The following GATAD2B variants were observed in gnomAD, a reference collection of about 807,000 sequenced individuals.
The protein encoded by GATAD2B is transcriptional repressor p66-beta.
GATAD2B carries 8 observed loss-of-function variants against 64.3 expected under a neutral mutation model. That is an observed-to-expected ratio of 0.12 (90% CI 0.07 to 0.22). The LOEUF (loss-of-function observed/expected upper bound fraction) is 0.22, where lower values mean the gene tolerates loss of function less well. Ranked by LOEUF, GATAD2B falls within the 10% of genes least tolerant of loss-of-function variation. The pLI is 1.00. For synonymous variants in GATAD2B, 281 were observed against 271.3 expected (o/e 1.04, Z -0.35); for missense variants, 453 against 752.0 (o/e 0.60, Z 4.65).
At chr1:153,840,285 T>G (rs1675433184) in intron 1 of GATAD2B, among the ~76,000 whole-genome samples, 1 of 151,702 alleles carries the variant, frequency 6.6e-6, no homozygotes, top group African/African-American at 2.4e-5. Flanking sequence ...TCCACCTGCC[T>G]CGGCCTCCCA....
At chr1:153,848,159 T>C (rs1675754449) in intron 1 of GATAD2B, among the ~76,000 whole-genome samples, 1 of 152,222 alleles carries the variant, frequency 6.6e-6, no homozygotes, top group African/African-American at 2.4e-5. Context: ...TTCCCATGAC[T>C]TCCTGTCGTA....
chr1:153,866,103 C>T (rs574290777), intron 1 of GATAD2B, among the ~76,000 whole-genome samples: 5 of 150,036 alleles, frequency 3.3e-5, no homozygotes, highest in African/African-American at 1.2e-4. Context: ...ACTCAGGAGA[C>T]AGAGGCAGAA....
chr1:153,922,076 A>C (rs1480192758), intron 1 of GATAD2B: 1 of 152,268 alleles, frequency 6.6e-6, no homozygotes, highest in Non-Finnish European at 1.5e-5. Flanking sequence ...AGCCTGAGAC[A>C]ATTCTCTTCC....
intron 1 of GATAD2B, among the ~76,000 whole-genome samples, chr1:153,847,741 T>C (rs1253736543): frequency 1.3e-5 from 2 of 152,228 alleles, no homozygotes; most frequent in East Asian, 1.9e-4. Flanking sequence ...AGAACTCCTA[T>C]GAGATATATC....
intron 1 of GATAD2B, among the ~76,000 whole-genome samples, chr1:153,860,643 T>C (rs1388908171): frequency 1.3e-5 from 2 of 151,520 alleles, no homozygotes; most frequent in Non-Finnish European, 2.9e-5. Context: ...TAGTTAAAAT[T>C]CATTTTCTTA....
intron 1 of GATAD2B, among the ~76,000 whole-genome samples, chr1:153,844,917 A>T (rs1675629352): frequency 6.6e-6 from 1 of 152,080 alleles, no homozygotes. Context: ...TATAATAAAA[A>T]AAAAAAAGAT....
chr1:153,863,050 T>A (rs1246040952), intron 1 of GATAD2B, among the ~76,000 whole-genome samples: 3 of 152,162 alleles, frequency 2.0e-5, no homozygotes. Flanking sequence ...AAAAAATAAA[T>A]TAAAATGCAG....
chr1:153,827,040 A>G (rs1674905265), intron 2 of GATAD2B, among the ~76,000 whole-genome samples: 1 of 150,386 alleles, frequency 6.6e-6, no homozygotes, highest in African/African-American at 2.4e-5. Context: ...GAGCTCAGGA[A>G]TTCGAGACCA....
At chr1:153,862,117 CCT>C (rs1676317682) in intron 1 of GATAD2B, among the ~76,000 whole-genome samples, 2 of 123,954 alleles carry the variant, frequency 1.6e-5, no homozygotes, top group African/African-American at 2.8e-5. Flanking sequence ...TACATTATAT[CCT>C]TTTTTTTTTT....
At chr1:153,818,332 T>TG (rs1212671924) in intron 4 of GATAD2B, among the ~76,000 whole-genome samples, 161 bp from the exon 5 acceptor site, 1 of 120,922 alleles carries the variant, frequency 8.3e-6, no homozygotes, top group African/African-American at 3.1e-5. Context: ...TTTTTTTTTT[T>TG]GAGACAGAGT....
At chr1:153,904,966 C>T (rs1288249054) in intron 1 of GATAD2B, among the ~76,000 whole-genome samples, 2 of 152,056 alleles carry the variant, frequency 1.3e-5, no homozygotes, top group Non-Finnish European at 2.9e-5. Flanking sequence ...CTTGGCCTCC[C>T]GAAGTGCTGG....
At chr1:153,901,230 T>G (rs1231282613) in intron 1 of GATAD2B, among the ~76,000 whole-genome samples, 1 of 151,292 alleles carries the variant, frequency 6.6e-6, no homozygotes, top group African/African-American at 2.4e-5. Context: ...AAAAAAAAAT[T>G]TATATGTTTG....
chr1:153,894,095 A>G (rs1677506107), intron 1 of GATAD2B, among the ~76,000 whole-genome samples: 1 of 152,134 alleles, frequency 6.6e-6, no homozygotes, highest in Non-Finnish European at 1.5e-5. Context: ...TTGTAGTTGA[A>G]CACAAATACT....
intron 1 of GATAD2B, among the ~76,000 whole-genome samples, chr1:153,861,250 T>C (rs1192181281): frequency 6.6e-6 from 1 of 151,850 alleles, no homozygotes; most frequent in Non-Finnish European, 1.5e-5. Context: ...CTTCAAGAAC[T>C]TGTCAGAAAA....
At chr1:153,847,862 T>C (rs772839930) in intron 1 of GATAD2B, among the ~76,000 whole-genome samples, 1 of 152,220 alleles carries the variant, frequency 6.6e-6, no homozygotes, top group East Asian at 1.9e-4. Context: ...AATTTTCAAC[T>C]GTGTTGGATA....
chr1:153,841,652 T>C (rs1003943817), intron 1 of GATAD2B, among the ~76,000 whole-genome samples: 2 of 152,168 alleles, frequency 1.3e-5, no homozygotes, highest in African/African-American at 4.8e-5. Flanking sequence ...TATTGCTGAG[T>C]AGTATTCCAT....
intron 1 of GATAD2B, among the ~76,000 whole-genome samples, chr1:153,870,770 T>C (rs970446410): frequency 6.6e-6 from 1 of 152,220 alleles, no homozygotes; most frequent in Non-Finnish European, 1.5e-5. Flanking sequence ...TACCTCATTA[T>C]GTATACAGAA....
intron 1 of GATAD2B, among the ~76,000 whole-genome samples, chr1:153,898,017 A>T (rs541660638): frequency 7.0e-6 from 1 of 142,256 alleles, no homozygotes; most frequent in Non-Finnish European, 1.6e-5. Context: ...AAAAAAAAAA[A>T]CCCAGGCCAG....
chr1:153,893,895 C>T (rs1442772350), intron 1 of GATAD2B, among the ~76,000 whole-genome samples: 1 of 126,262 alleles, frequency 7.9e-6, no homozygotes, highest in East Asian at 2.6e-4. Context: ...GAGGCGGGGG[C>T]TGCAGTGAGC....
Sources: gnomAD v4.1 joint callset for allele counts (sites outside exome capture counted in the v4.1 genomes callset) on GRCh38, gnomAD v4.1.1 for gene constraint, MANE v1.5 for transcripts, NCBI Gene and HGNC (gene_info 2026-07-23, HGNC 2026-07-21) for gene names.